KLHL1: variants seen among roughly 807,000 people sequenced by gnomAD.
KLHL1 encodes kelch-like protein 1.
Under a neutral mutation model 77.7 loss-of-function variants are expected in KLHL1, and 47 were observed. The observed-to-expected ratio is 0.60, with a 90% confidence interval of 0.48 to 0.77. The LOEUF (loss-of-function observed/expected upper bound fraction) is 0.77, where lower values mean the gene tolerates loss of function less well. Ranked by LOEUF, KLHL1 falls within the 30% of genes least tolerant of loss-of-function variation. KLHL1 has a pLI of 0.00. For synonymous variants in KLHL1, 360 were observed against 325.2 expected (o/e 1.11, Z -1.15); for missense variants, 925 against 910.8 (o/e 1.02, Z -0.20).
chr13:69,951,583 T>G (rs147422877), intron 3 of KLHL1, among the ~76,000 whole-genome samples: 1 of 151,484 alleles, frequency 6.6e-6, no homozygotes, highest in Non-Finnish European at 1.5e-5. Flanking sequence ...AGATTGGGAG[T>G]TCTACCATCC....
At chr13:69,977,143 T>C (rs771029525) in intron 1 of KLHL1, among the ~76,000 whole-genome samples, 6 of 152,054 alleles carry the variant, frequency 3.9e-5, no homozygotes, top group Non-Finnish European at 7.4e-5. Flanking sequence ...TTATACACAA[T>C]GCCTGGCATT....
intron 1 of KLHL1, among the ~76,000 whole-genome samples, chr13:70,043,270 T>C (rs1033980817): frequency 6.6e-6 from 1 of 152,110 alleles, no homozygotes; most frequent in Non-Finnish European, 1.5e-5. Flanking sequence ...ATGAGAAAAG[T>C]TATATAATAA....
At chr13:69,802,029 CT>C (rs1183834630) in intron 6 of KLHL1, among the ~76,000 whole-genome samples, 2 of 152,058 alleles carry the variant, frequency 1.3e-5, no homozygotes, top group Non-Finnish European at 2.9e-5. Flanking sequence ...CCCCTACCCC[CT>C]GACAGGCCCT....
chr13:69,963,683 A>T (rs940177270), intron 2 of KLHL1, among the ~76,000 whole-genome samples: 41 of 152,178 alleles, frequency 2.7e-4, no homozygotes, highest in Non-Finnish European at 2.9e-4. Context: ...ATATTGTAAG[A>T]AATTTGCAAC....
chr13:69,765,796 T>C (rs1194843751), intron 7 of KLHL1, among the ~76,000 whole-genome samples: 1 of 152,196 alleles, frequency 6.6e-6, no homozygotes. Flanking sequence ...CTCCGATCTG[T>C]TGCTAAACAG....
intron 7 of KLHL1, among the ~76,000 whole-genome samples, chr13:69,767,086 A>C (rs552119805): frequency 6.6e-6 from 1 of 152,194 alleles, no homozygotes; most frequent in East Asian, 1.9e-4. Flanking sequence ...AAAAGATACT[A>C]GGTGTAGATA....
intron 5 of KLHL1, among the ~76,000 whole-genome samples, chr13:69,846,226 C>T (rs1457586223): frequency 2.0e-5 from 3 of 151,490 alleles, no homozygotes; most frequent in African/African-American, 2.4e-5. Flanking sequence ...TATGTTCTTT[C>T]GTTAACAACT....
chr13:69,960,443 T>C (rs1884028886), intron 3 of KLHL1, among the ~76,000 whole-genome samples: 1 of 152,050 alleles, frequency 6.6e-6, no homozygotes, highest in Admixed American at 6.6e-5. Context: ...ACCATCAATA[T>C]ATACTGTCTG....
At chr13:69,719,340 T>A in intron 9 of KLHL1, 29 bp downstream of exon 9, 1 of 1,586,706 alleles carries the variant, frequency 6.3e-7, no homozygotes, top group East Asian at 2.2e-5. Context: ...ACTGTCTCTT[T>A]CGCTGTAACA....
intron 7 of KLHL1, among the ~76,000 whole-genome samples, chr13:69,780,463 A>AAAT (rs1487989187): frequency 6.6e-6 from 1 of 151,848 alleles, no homozygotes; most frequent in Non-Finnish European, 1.5e-5. Flanking sequence ...ATATTTAGAG[A>AAAT]AATAGTGTCT....
intron 4 of KLHL1, among the ~76,000 whole-genome samples, chr13:69,924,843 T>A (rs986669054): frequency 6.6e-6 from 1 of 152,214 alleles, no homozygotes; most frequent in African/African-American, 2.4e-5. Flanking sequence ...GATACCACCA[T>A]GTTCCCCAGT....
chr13:70,027,343 C>T (rs1474293183), intron 1 of KLHL1, among the ~76,000 whole-genome samples: 2 of 151,594 alleles, frequency 1.3e-5, no homozygotes, highest in African/African-American at 4.8e-5. Flanking sequence ...CTAAAGAGAA[C>T]CATAGGAGCG....
intron 4 of KLHL1, among the ~76,000 whole-genome samples, chr13:69,888,402 T>C (rs1407333542): frequency 6.6e-6 from 1 of 152,114 alleles, no homozygotes; most frequent in Non-Finnish European, 1.5e-5. Context: ...GTTGATTAAG[T>C]TAAGAAAAAG....
intron 1 of KLHL1, among the ~76,000 whole-genome samples, chr13:70,078,970 T>C (rs1359124470): frequency 6.6e-6 from 1 of 152,168 alleles, no homozygotes; most frequent in African/African-American, 2.4e-5. Flanking sequence ...AACTCTCACC[T>C]CTTCCATTTG....
chr13:70,095,917 T>A lies in KLHL1; in HGVS notation c.497+11286A>T, dbSNP rs1292649958. Among the ~76,000 whole-genome samples, 2 of 152,148 alleles carry A rather than the reference T, an allele frequency of 1.3e-5. 1 individual carries two copies. The highest frequency in any genetic ancestry group is 4.1e-4 in the South Asian group (2 of 4,822). The stretch of plus-strand genomic sequence containing the variant: ...TCTCCATGAGTTCATTTTTTTTTAG[T>A]TCCCAGATATGAGTGAGAACAAACA... On this transcript the variant is annotated intron_variant, in intron 1 of 10. Coordinates refer to ENST00000377844, the MANE Select transcript of KLHL1 (RefSeq NM_020866.3).
At chr13:69,897,175 A>G (rs1881677335) in intron 4 of KLHL1, among the ~76,000 whole-genome samples, 1 of 152,200 alleles carries the variant, frequency 6.6e-6, no homozygotes, top group Non-Finnish European at 1.5e-5. Flanking sequence ...TTTGATTTTC[A>G]GGGGAATCTT....
intron 2 of KLHL1, among the ~76,000 whole-genome samples, chr13:69,974,479 T>A (rs1001421508): frequency 6.6e-6 from 1 of 151,718 alleles, no homozygotes; most frequent in African/African-American, 2.4e-5. Flanking sequence ...GAATAATTGC[T>A]CAACAGATTG....
chr13:69,857,383 A>G (rs561920298), intron 5 of KLHL1, among the ~76,000 whole-genome samples: 1 of 152,082 alleles, frequency 6.6e-6, no homozygotes, highest in Admixed American at 6.6e-5. Context: ...TACCTTCAAC[A>G]TGTAGTCGCA....
At chr13:70,075,658 C>G (rs1419153383) in intron 1 of KLHL1, among the ~76,000 whole-genome samples, 1 of 119,738 alleles carries the variant, frequency 8.4e-6, no homozygotes, top group Non-Finnish European at 1.7e-5. Flanking sequence ...TATATATATA[C>G]CTATGTGTGT....
Sources: allele counts gnomAD v4.1 joint callset (sites outside exome capture counted in the v4.1 genomes callset), GRCh38; gene constraint gnomAD v4.1.1; transcripts MANE v1.5; gene names NCBI Gene and HGNC (gene_info 2026-07-23, HGNC 2026-07-21).